ZNF221: variants seen among roughly 807,000 people sequenced by gnomAD.
ZNF221 encodes the protein zinc finger protein 221.
In ZNF221, 10 loss-of-function variants were observed where a neutral mutation model predicts 12.6. The ratio of observed to expected loss-of-function variants is 0.79; its 90% CI spans 0.49 to 1.34. The LOEUF (loss-of-function observed/expected upper bound fraction) is 1.34. Among genes scored for constraint, ZNF221 ranks in the 40% most tolerant of loss-of-function variants. The pLI, the probability that ZNF221 is intolerant of heterozygous loss-of-function variation, is 0.00. For missense variants in ZNF221, 661 were observed against 721.4 expected, an observed-to-expected ratio of 0.92 and a Z score of 0.96; for synonymous variants, 232 against 244.0, an observed-to-expected ratio of 0.95 and a Z score of 0.46.
At chr19:43,965,353 G>T in intron 4 of ZNF221, 28 bp downstream of exon 4, 2 of 1,570,978 alleles carry the variant, frequency 1.3e-6, no homozygotes, top group Non-Finnish European at 1.7e-6. Flanking sequence ...GTGCATCCTT[G>T]TACATGACTC....
chr19:43,966,428 C>T lies in ZNF221; in HGVS notation c.926C>T (p.Pro309Leu). 1.2e-6 allele frequency: 2 copies of T among 1,614,020 alleles called. No individual in the cohort carries two copies. The highest frequency in any genetic ancestry group is 1.7e-6 in the Non-Finnish European group (2 of 1,179,978). The change falls in exon 5 of 5, where the codon CCA becomes CTA. Residue 309 changes from proline to leucine, a missense_variant. By Grantham distance (98) the Pro-to-Leu change is moderately conservative. Transcript: ENST00000587682. ...EHQRIHTGEK[P>L]FKCDICGKSF... ...CAGAGAATCCATACTGGGGAGAAGC[C>T]ATTCAAATGTGATATATGTGGTAAG...
At chr19:43,977,776 A>G in the ZNF221 span, among the ~76,000 whole-genome samples, 1 of 152,224 alleles carries the variant, frequency 6.6e-6, no homozygotes, top group Non-Finnish European at 1.5e-5. Context: ...TAAGCTTTTC[A>G]TAATTAATTT....
downstream of ZNF221, among the ~76,000 whole-genome samples, chr19:43,968,873 G>A (rs1238867640): frequency 3.3e-5 from 5 of 152,136 alleles, no homozygotes; most frequent in Non-Finnish European, 1.5e-5. Context: ...TGCAACCCAC[G>A]GGTCAGGAGA....
rs150669301 is a variant in ZNF221, at chr19:43,962,766, T to C, written c.40T>C (p.Cys14Arg). The change falls in exon 2 of 5, where the codon TGC (cysteine) becomes CGC (arginine). Residue 14 changes from cysteine to arginine, a missense_variant. Coordinates refer to ENST00000587682, the MANE Select transcript of ZNF221 (RefSeq NM_001297588.2). ...ACTTGAACTGCTTCATTCAGGACTC[T>C]GCAAATTCCCTGAAGTAGAAGGAAA... ...PSLELLHSGL[C>R]KFPEVEGKMT... 3.1e-6 allele frequency: 5 copies of C among 1,613,896 alleles called. No homozygotes were observed. The highest frequency in any genetic ancestry group is 1.7e-5 in the Admixed American group (1 of 60,008).
downstream of ZNF221, among the ~76,000 whole-genome samples, chr19:43,971,049 C>A (rs1416855179): frequency 6.6e-6 from 1 of 152,160 alleles, no homozygotes; most frequent in Non-Finnish European, 1.5e-5. Context: ...GGAAGCCCAT[C>A]AGACTAATAG....
downstream of ZNF221, among the ~76,000 whole-genome samples, chr19:43,968,375 G>A (rs1002164195): frequency 1.3e-5 from 2 of 152,178 alleles, no homozygotes; most frequent in Admixed American, 1.3e-4. Context: ...AATTGATGTC[G>A]GCTAGAATAT....
downstream of ZNF221, among the ~76,000 whole-genome samples, chr19:43,968,577 A>G (rs931558710): frequency 2.6e-5 from 4 of 152,208 alleles, no homozygotes; most frequent in African/African-American, 9.6e-5. Context: ...AAAAGAGGAA[A>G]CCTGGGATAG....
rs150500991 is a variant in ZNF221, at chr19:43,958,609, C to T, written c.-2-4116C>T. 3.2e-3 allele frequency among the ~76,000 whole-genome samples: 488 copies of T among 152,258 alleles called. 1 individual carries two copies. Among genetic ancestry groups the T allele is most frequent in the Middle Eastern group, 6.8e-3 (2 of 294 alleles). On this transcript the variant is annotated intron_variant, in intron 1 of 4. Coordinates refer to ENST00000587682, the MANE Select transcript of ZNF221 (RefSeq NM_001297588.2). Reference sequence around the variant, plus strand: ...CAAACACAAAATTTTAAGATGTCCACCTGGGAGGACACGGACTTCAAAAGA... The same window carrying T: ...CAAACACAAAATTTTAAGATGTCCATCTGGGAGGACACGGACTTCAAAAGA...
the ZNF221 span, chr19:43,977,420 A>G: frequency 6.6e-6 from 1 of 152,206 alleles, no homozygotes; most frequent in Non-Finnish European, 1.5e-5. Flanking sequence ...TCATATTTCA[A>G]AATAAAAAAA....
At chr19:43,970,355 G>T (rs545343048), downstream of ZNF221, among the ~76,000 whole-genome samples, 1 of 152,102 alleles carries the variant, frequency 6.6e-6, no homozygotes, top group Non-Finnish European at 1.5e-5. Flanking sequence ...AAGCCAGAGC[G>T]CCTCTTCTCC....
At position 43,966,371 on chromosome 19, in the gene ZNF221, C is replaced by T. The variant is rs780584404; in HGVS notation, c.869C>T (p.Ala290Val). 1.2e-6 allele frequency: 2 copies of T among 1,613,948 alleles called. No individual in the cohort carries two copies. ...TATAATTGTGAGGAATGTGGGAAAG[C>T]CTTCATTCATGATTCACAGCTTCAA... is the stretch of plus-strand genomic sequence containing the variant. ...KPYNCEECGKAFIHDSQLQEH... is the reference protein window; with the variant it reads ...KPYNCEECGKVFIHDSQLQEH... The change falls in exon 5 of 5, where the codon GCC becomes GTC. Residue 290 changes from alanine (A) to valine (V), a missense_variant. By Grantham distance (64) the Ala-to-Val change is moderately conservative. Transcript: ENST00000587682.
chr19:43,958,045 G>C (rs550275054), intron 1 of ZNF221, among the ~76,000 whole-genome samples: 2 of 152,218 alleles, frequency 1.3e-5, no homozygotes, highest in Admixed American at 1.3e-4. Flanking sequence ...GGATGTCTTT[G>C]GTTGATGATC....
chr19:43,966,518 G>C lies in ZNF221; in HGVS notation c.1016G>C (p.Arg339Thr), dbSNP rs1294852126. The change falls in exon 5 of 5, where the codon AGA becomes ACA. Residue 339 changes from arginine (R) to threonine (T), a missense_variant. Coordinates refer to ENST00000587682, the MANE Select transcript of ZNF221 (RefSeq NM_001297588.2). Reference sequence around the variant, plus strand: ...GTTCACACAGGAGAAAAACCATTCAGATGTGATACATGTGGCAAGAACTTT... The same window carrying C: ...GTTCACACAGGAGAAAAACCATTCACATGTGATACATGTGGCAAGAACTTT... ...SMVHTGEKPF[R>T]CDTCGKNFRQ... 3 of 1,613,998 alleles carry C rather than the reference G, an allele frequency of 1.9e-6. No individual in the cohort carries two copies. Among genetic ancestry groups the C allele is most frequent in the Non-Finnish European group, 2.5e-6 (3 of 1,180,014 alleles).
At position 43,966,149 on chromosome 19, in the gene ZNF221, A is replaced by G; in HGVS notation, c.647A>G (p.His216Arg). 1 of 1,614,212 alleles carries G rather than the reference A, an allele frequency of 6.2e-7. No homozygotes were observed. The highest frequency in any genetic ancestry group is 1.1e-5 in the South Asian group (1 of 91,090). Residue 216 changes from histidine (H) to arginine (R), a missense_variant, in exon 5 of 5, where the codon CAT becomes CGT. His to Arg is a conservative substitution (Grantham distance 29). Transcript: ENST00000587682. ...TGTTACAGCCCAGCCCTTCATATTC[A>G]TCAGAGAGTCCATATGGGAGAAAAA... ...SFCYSPALHI[H>R]QRVHMGEKCY...
chr19:43,964,472 A>G (rs2060087935), intron 2 of ZNF221, among the ~76,000 whole-genome samples: 2 of 152,218 alleles, frequency 1.3e-5, no homozygotes, highest in South Asian at 4.1e-4. Flanking sequence ...GCTGTCCCAC[A>G]CAGGTCACCA....
chr19:43,966,813 A>C lies in ZNF221; in HGVS notation c.1311A>C (p.Arg437=). 6.2e-7 allele frequency: 1 copy of C among 1,614,200 alleles called. No homozygotes were observed. Residue 437 remains arginine, a synonymous_variant, in exon 5 of 5, where the codon CGA becomes CGC. Coordinates refer to ENST00000587682, the MANE Select transcript of ZNF221 (RefSeq NM_001297588.2). ...CGKGFYTNSR[R]SSHQRSHNGE... is the part of the protein sequence containing the mutation. ...AGGGATTTTATACAAATTCACGACG[A>C]TCTTCCCATCAGAGATCCCACAATG...
At chr19:43,954,911 T>C (rs1974731282) in intron 1 of ZNF221, among the ~76,000 whole-genome samples, 1 of 152,112 alleles carries the variant, frequency 6.6e-6, no homozygotes, top group Non-Finnish European at 1.5e-5. Flanking sequence ...GAAATTGCTA[T>C]CCCACTGACA....
downstream of ZNF221, among the ~76,000 whole-genome samples, chr19:43,970,355 G>A (rs545343048): frequency 1.3e-4 from 20 of 152,220 alleles, no homozygotes; most frequent in Non-Finnish European, 1.8e-4. Flanking sequence ...AAGCCAGAGC[G>A]CCTCTTCTCC....
the ZNF221 span, among the ~76,000 whole-genome samples, chr19:43,980,785 T>C: frequency 1.3e-5 from 2 of 152,168 alleles, no homozygotes; most frequent in African/African-American, 4.8e-5. Flanking sequence ...GTATGCTACT[T>C]ATTCCTCATT....
Sources: allele counts gnomAD v4.1 joint callset (sites outside exome capture counted in the v4.1 genomes callset), GRCh38; gene constraint gnomAD v4.1.1; transcripts MANE v1.5; gene names NCBI Gene and HGNC (gene_info 2026-07-23, HGNC 2026-07-21).